TNNI3K: variants seen among roughly 807,000 people sequenced by gnomAD.
The protein encoded by TNNI3K is serine/threonine-protein kinase TNNI3K.
In TNNI3K, 140 loss-of-function variants were observed where a neutral mutation model predicts 114.5. That is an observed-to-expected ratio of 1.22 (90% CI 1.07 to 1.41). TNNI3K has a LOEUF of 1.41. Among genes scored for constraint, TNNI3K ranks in the 40% most tolerant of loss-of-function variants. The pLI is 0.00. For synonymous variants in TNNI3K, 347 were observed against 347.5 expected (o/e 1.00, Z 0.02); for missense variants, 1,125 against 1,007.6 (o/e 1.12, Z -1.58).
intron 19 of TNNI3K, among the ~76,000 whole-genome samples, chr1:74,437,591 C>T (rs1428504391): frequency 6.6e-6 from 1 of 151,566 alleles, no homozygotes; most frequent in Admixed American, 6.6e-5. Context: ...GTGCAGAGGT[C>T]CTGGGGCAGG....
At position 74,268,713 on chromosome 1, in the gene TNNI3K, T is replaced by C. The variant is rs111339093; in HGVS notation, c.334-2885T>C. Among the ~76,000 whole-genome samples, 367 of 152,000 alleles carry C rather than the reference T, an allele frequency of 2.4e-3. 3 individuals are homozygous for C. Among genetic ancestry groups the C allele is most frequent in the African/African-American group, 8.4e-3 (348 of 41,522 alleles). The stretch of plus-strand genomic sequence containing the variant: ...AGAACTGCTCCAGTGCACATAGTCA[T>C]TGTGAGAGCTGAAATTCTAATTAGG... On this transcript the variant is annotated intron_variant, in intron 4 of 24. Transcript: ENST00000326637.
chr1:74,342,936 G>A lies in TNNI3K; in HGVS notation c.777G>A (p.Leu259=). Residue 259 remains leucine (L), a synonymous_variant, in exon 8 of 25, where the codon TTG becomes TTA. Transcript: ENST00000326637. ...TTAAGTATCTGCTGCAAAGTGATTT[G>A]GAAGTTCAACCTCATGTTGTTAATA... ...DIVKYLLQSD[L]EVQPHVVNIY... 6.2e-7 allele frequency: 1 copy of A among 1,613,850 alleles called. No homozygotes were observed. Among genetic ancestry groups the A allele is most frequent in the Non-Finnish European group, 8.5e-7 (1 of 1,179,890 alleles).
At chr1:74,525,548 T>C (rs983427324) in intron 23 of TNNI3K, among the ~76,000 whole-genome samples, 1 of 152,168 alleles carries the variant, frequency 6.6e-6, no homozygotes. Context: ...TTCAACCAAA[T>C]TTATTTTTAA....
intron 23 of TNNI3K, among the ~76,000 whole-genome samples, chr1:74,511,104 T>A (rs1439173426): frequency 1.3e-5 from 2 of 152,094 alleles, no homozygotes; most frequent in Non-Finnish European, 2.9e-5. Context: ...GCCAGGCTGG[T>A]CTGGAACTCC....
rs200629093 is a variant in TNNI3K, at chr1:74,331,462, C to G, written c.457C>G (p.Leu153Val). The change falls in exon 6 of 25, where the codon CTG becomes GTG. Residue 153 changes from leucine (L) to valine (V), a missense_variant. Physicochemically the swap from Leu to Val is conservative, Grantham distance 32. Transcript: ENST00000326637. ...IAGHLEAADV[L>V]LQHGANVNIQ... ...TTTTCTTGTCCAGGCTGCTGATGTG[C>G]TGTTGCAACATGGAGCTAATGTCAA... The G allele has an allele frequency of 8.7e-6, 14 of 1,613,190 alleles. No individual in the cohort carries two copies. The highest frequency in any genetic ancestry group is 1.3e-5 in the African/African-American group (1 of 74,902).
intron 7 of TNNI3K, among the ~76,000 whole-genome samples, chr1:74,342,157 C>A (rs1557507899): frequency 6.6e-6 from 1 of 152,092 alleles, no homozygotes; most frequent in African/African-American, 2.4e-5. Context: ...TTAATACTTG[C>A]AGTATACGGA....
At chr1:74,383,599 C>T (rs1205607848) in intron 17 of TNNI3K, among the ~76,000 whole-genome samples, 1 of 152,044 alleles carries the variant, frequency 6.6e-6, no homozygotes, top group South Asian at 2.1e-4. Flanking sequence ...TAAAATTGCT[C>T]ATGAACTTGA....
chr1:74,487,204 C>T (rs749273562), intron 21 of TNNI3K, among the ~76,000 whole-genome samples: 3 of 151,104 alleles, frequency 2.0e-5, no homozygotes, highest in Non-Finnish European at 3.0e-5. Context: ...GGAACATGAA[C>T]GATGCAAAAA....
At chr1:74,512,380 G>T (rs1293956812) in intron 23 of TNNI3K, 1 of 152,192 alleles carries the variant, frequency 6.6e-6, no homozygotes, top group Non-Finnish European at 1.5e-5. Flanking sequence ...AACTATTCCT[G>T]CACTGATGAC....
intron 17 of TNNI3K, among the ~76,000 whole-genome samples, chr1:74,435,221 G>A (rs1666069148): frequency 6.6e-6 from 1 of 152,024 alleles, no homozygotes; most frequent in African/African-American, 2.4e-5. Flanking sequence ...TTATGGGGAA[G>A]AGTAAGCTCT....
chr1:74,457,588 A>G (rs1467185693), intron 20 of TNNI3K, among the ~76,000 whole-genome samples: 2 of 152,200 alleles, frequency 1.3e-5, no homozygotes, highest in African/African-American at 4.8e-5. Context: ...TTCAGAACAC[A>G]CATAAACACA....
chr1:74,249,726 T>C (rs1378957897), intron 3 of TNNI3K, among the ~76,000 whole-genome samples, 182 bp downstream of exon 3: 1 of 152,194 alleles, frequency 6.6e-6, no homozygotes, highest in Non-Finnish European at 1.5e-5. Context: ...TTCCAATTGA[T>C]TTAGCTTTAA....
chr1:74,481,585 A>G (rs1304372640), intron 21 of TNNI3K, among the ~76,000 whole-genome samples: 1 of 152,198 alleles, frequency 6.6e-6, no homozygotes, highest in Non-Finnish European at 1.5e-5. Context: ...TTCTCATTAT[A>G]GTCTGGGCCA....
intron 7 of TNNI3K, chr1:74,341,689 G>A (rs1014587569): frequency 6.6e-6 from 1 of 152,090 alleles, no homozygotes; most frequent in Non-Finnish European, 1.5e-5. Flanking sequence ...AGAAAGCCAT[G>A]TTTGAAATTC....
intron 5 of TNNI3K, among the ~76,000 whole-genome samples, chr1:74,277,505 A>C (rs1656755449): frequency 6.6e-6 from 1 of 152,190 alleles, no homozygotes; most frequent in Non-Finnish European, 1.5e-5. Context: ...AAATGACTCA[A>C]AACTAATTTC....
At chr1:74,321,527 T>A (rs1287005384) in intron 5 of TNNI3K, among the ~76,000 whole-genome samples, 1 of 151,902 alleles carries the variant, frequency 6.6e-6, no homozygotes, top group Non-Finnish European at 1.5e-5. Flanking sequence ...TTCTCCTCCC[T>A]CTCTCTATCC....
intron 17 of TNNI3K, among the ~76,000 whole-genome samples, chr1:74,394,816 G>A (rs1318707559): frequency 1.3e-5 from 2 of 152,080 alleles, no homozygotes; most frequent in Non-Finnish European, 2.9e-5. Context: ...AGGCTGAGGC[G>A]GGTGGATCAT....
At chr1:74,459,682 A>G (rs1667365888) in intron 20 of TNNI3K, among the ~76,000 whole-genome samples, 1 of 152,242 alleles carries the variant, frequency 6.6e-6, no homozygotes, top group African/African-American at 2.4e-5. Flanking sequence ...AAATGAATAC[A>G]TGAATGAGGT....
At chr1:74,462,452 G>T (rs901082418) in intron 20 of TNNI3K, among the ~76,000 whole-genome samples, 2 of 152,206 alleles carry the variant, frequency 1.3e-5, no homozygotes, top group African/African-American at 2.4e-5. Flanking sequence ...GGCATCATGT[G>T]TTGATTACAG....
Sources: gnomAD v4.1 joint callset for allele counts (sites outside exome capture counted in the v4.1 genomes callset) on GRCh38, gnomAD v4.1.1 for gene constraint, MANE v1.5 for transcripts, NCBI Gene and HGNC (gene_info 2026-07-23, HGNC 2026-07-21) for gene names.